The following NUCB1 variants were observed in gnomAD, a reference collection of about 807,000 sequenced individuals.
The protein encoded by NUCB1 is nucleobindin-1.
In NUCB1, 47 loss-of-function variants were observed where a neutral mutation model predicts 61.2. That is an observed-to-expected ratio of 0.77 (90% CI 0.61 to 0.98). NUCB1 has a LOEUF of 0.98. Among genes scored for constraint, NUCB1 ranks in the 50% least tolerant of loss-of-function variants. The pLI is 0.00. For synonymous variants in NUCB1, 234 were observed against 243.1 expected, an observed-to-expected ratio of 0.96 and a Z score of 0.35; for missense variants, 583 against 605.3, an observed-to-expected ratio of 0.96 and a Z score of 0.39.
chr19:48,922,578 C>T lies in NUCB1; in HGVS notation c.*154C>T, dbSNP rs1385504553. ...GGCATTTCACGCATTGCTGCCACCCCAGGTCCACCTGTCTCCACTTTCACA... is the reference window on the plus strand; with the variant it reads ...GGCATTTCACGCATTGCTGCCACCCTAGGTCCACCTGTCTCCACTTTCACA... On this transcript the variant is annotated 3_prime_UTR_variant, in exon 13 of 13. Transcript: ENST00000405315. The T allele has an allele frequency of 6.4e-6, 4 of 626,400 alleles. No individual in the cohort carries two copies. Among genetic ancestry groups the T allele is most frequent in the African/African-American group, 5.5e-5 (3 of 54,866 alleles). 38.8% of individuals were successfully genotyped at this position (626,400 alleles called of 1,614,324 possible). A position where few individuals can be genotyped will look rare whatever the true frequency, so the allele number is the denominator to read the frequency against.
intron 4 of NUCB1, among the ~76,000 whole-genome samples, chr19:48,908,169 C>T (rs1045031176): frequency 2.0e-5 from 3 of 152,084 alleles, no homozygotes; most frequent in African/African-American, 7.2e-5. Context: ...CTCACTCTGT[C>T]GCCCAGGCTG....
chr19:48,922,098 G>T (rs2037616721), intron 12 of NUCB1, among the ~76,000 whole-genome samples, 166 bp downstream of exon 12: 1 of 151,612 alleles, frequency 6.6e-6, no homozygotes, highest in East Asian at 1.9e-4. Flanking sequence ...GGGTCTGAGG[G>T]AGGAGGGGCT....
intron 2 of NUCB1, among the ~76,000 whole-genome samples, chr19:48,902,252 A>G (rs1221361960): frequency 6.6e-6 from 1 of 151,906 alleles, no homozygotes; most frequent in Non-Finnish European, 1.5e-5. Flanking sequence ...CTGGGACTAC[A>G]GGCGCACACC....
Position 48,921,207 on chromosome 19 carries a change from G to A in NUCB1, c.1056G>A (p.Glu352=). Reference sequence around the variant, plus strand: ...AGGAAGAGCTGAGGCGCTTTGAAGAGGAGCTGGCTGCCCGGGAGGCAGAGC... The same window carrying A: ...AGGAAGAGCTGAGGCGCTTTGAAGAAGAGCTGGCTGCCCGGGAGGCAGAGC... ...YTEEELRRFE[E]ELAAREAELN... Residue 352 remains glutamate, a synonymous_variant, in exon 11 of 13, where the codon GAG becomes GAA. Transcript: ENST00000405315. The A allele has an allele frequency of 1.9e-6, 3 of 1,613,388 alleles. No homozygotes were observed. Among genetic ancestry groups the A allele is most frequent in the African/African-American group, 1.3e-5 (1 of 75,072 alleles).
At chr19:48,905,086 C>T (rs1184853708) in intron 3 of NUCB1, among the ~76,000 whole-genome samples, 2 of 152,110 alleles carry the variant, frequency 1.3e-5, no homozygotes, top group East Asian at 1.9e-4. Context: ...CTGCACAGTT[C>T]GGATTTGGAT....
At chr19:48,922,293 C>T in intron 12 of NUCB1, 25 bp from the exon 13 acceptor site, 3 of 1,590,238 alleles carry the variant, frequency 1.9e-6, no homozygotes, top group Non-Finnish European at 2.6e-6. Context: ...TGTCCTGTGC[C>T]ACCATTCCCT....
chr19:48,911,292 C>T, intron 5 of NUCB1, 40 bp downstream of exon 5: 1 of 1,446,902 alleles, frequency 6.9e-7, no homozygotes, highest in South Asian at 1.1e-5. Flanking sequence ...TTGAGGGTAG[C>T]TTTGCGGAAG....
At chr19:48,919,490 T>C (rs1347163459) in intron 10 of NUCB1, among the ~76,000 whole-genome samples, 13 of 150,840 alleles carry the variant, frequency 8.6e-5, no homozygotes, top group African/African-American at 2.7e-4. Flanking sequence ...TTTATTTATT[T>C]ATTCTGAGAC....
intron 10 of NUCB1, 21 bp downstream of exon 10, chr19:48,919,307 C>G (rs758081065): frequency 1.3e-6 from 2 of 1,579,148 alleles, no homozygotes; most frequent in Non-Finnish European, 1.7e-6. Flanking sequence ...GGGGGATACT[C>G]GGGGTCCTGA....
chr19:48,906,403 C>CAA (rs550726351), intron 4 of NUCB1, among the ~76,000 whole-genome samples: 41,524 of 115,462 alleles, frequency 0.36, 8,452 homozygotes, highest in African/African-American at 0.62. Flanking sequence ...AACTCTGACT[C>CAA]AAAAAAAAAA....
At chr19:48,901,106 G>C (rs923732954) in intron 2 of NUCB1, 175 bp downstream of exon 2, 1 of 735,476 alleles carries the variant, frequency 1.4e-6, no homozygotes, top group Non-Finnish European at 2.4e-6. Flanking sequence ...AAAAACTGGA[G>C]GTCCCTGACT....
rs1568586622 is a variant in NUCB1, at chr19:48,913,547, C to T, written c.740C>T (p.Thr247Ile). 1.2e-6 allele frequency: 2 copies of T among 1,613,822 alleles called. No homozygotes were observed. The highest frequency in any genetic ancestry group is 1.3e-5 in the African/African-American group (1 of 74,912). Residue 247 changes from threonine (T) to isoleucine (I), a missense_variant, in exon 7 of 13, where the codon ACC becomes ATC. Transcript: ENST00000405315. ...GACCCCAACAGGTTTAACCCCAAGACCTTCTTCATACTGCATGGTAAGGTG... is the reference window on the plus strand; with the variant it reads ...GACCCCAACAGGTTTAACCCCAAGATCTTCTTCATACTGCATGGTAAGGTG... ...GLDPNRFNPK[T>I]FFILHDINSD...
rs1240265708 is a variant in NUCB1 at position 48,922,428 on chromosome 19, T to C, written c.*4T>C. 3 of 1,610,242 alleles carry C rather than the reference T, an allele frequency of 1.9e-6. No homozygotes were observed. The Admixed American group carries it at 5.0e-5, about 27-fold the overall frequency. Reference sequence around the variant, plus strand: ...TGAGGTGCCCCAGCATCTGTGATCCTCCGGGACCCCAGCCCTCAGGATTCC... The same window carrying C: ...TGAGGTGCCCCAGCATCTGTGATCCCCCGGGACCCCAGCCCTCAGGATTCC... On this transcript the variant is annotated 3_prime_UTR_variant, in exon 13 of 13. Transcript: ENST00000405315.
Position 48,913,011 on chromosome 19 carries a change from G to T in NUCB1, c.481G>T (p.Ala161Ser). ...ARDLELLIQTATRDLAQYDAA... is the reference protein window; with the variant it reads ...ARDLELLIQTSTRDLAQYDAA... ...GGAATGACCCTGTGCCTTTCCCCAG[G>T]CCACCCGGGACCTTGCCCAGTACGA... is the stretch of plus-strand genomic sequence containing the variant. Residue 161 changes from alanine to serine, a missense_variant and splice_region_variant, in exon 6 of 13, where the codon GCC becomes TCC. Transcript: ENST00000405315. The T allele has an allele frequency of 6.2e-7, 1 of 1,602,782 alleles. No homozygotes were observed.
chr19:48,919,336 C>T (rs1186936778), intron 10 of NUCB1, 50 bp downstream of exon 10: 12 of 1,401,194 alleles, frequency 8.6e-6, no homozygotes, highest in Non-Finnish European at 1.2e-5. Flanking sequence ...CTCTTCTAGC[C>T]ATGACCTTTC....
At chr19:48,920,958 A>G (rs900332269) in intron 10 of NUCB1, among the ~76,000 whole-genome samples, 196 bp from the exon 11 acceptor site, 1 of 152,206 alleles carries the variant, frequency 6.6e-6, no homozygotes, top group Non-Finnish European at 1.5e-5. Flanking sequence ...CTGGGATTAC[A>G]GGTGGGAGCC....
At chr19:48,900,553 G>T in intron 1 of NUCB1, 181 bp downstream of exon 1, 1 of 566,396 alleles carries the variant, frequency 1.8e-6, no homozygotes, top group Non-Finnish European at 3.1e-6. Flanking sequence ...CCGGATTCCT[G>T]AGTGTGAGAG....
rs139471881 is a variant in NUCB1 at position 48,905,822 on chromosome 19, C to T, written c.313C>T (p.Arg105Ter). 9.3e-6 allele frequency: 15 copies of T among 1,613,476 alleles called. No homozygotes were observed. The highest frequency in any genetic ancestry group is 8.0e-5 in the African/African-American group (6 of 74,784). Residue 105 changes from arginine to a stop codon, truncating the protein, a stop_gained, in exon 4 of 13, where the codon CGA (arginine) becomes TGA (stop). Coordinates refer to ENST00000405315, the MANE Select transcript of NUCB1 (RefSeq NM_006184.6). LOFTEE classifies it high-confidence loss of function. ...HVRTKLDELK[R>*]QEVSRLRMLL... is the part of the protein sequence containing the mutation. The stretch of plus-strand genomic sequence containing the variant: ...CCGCACCAAGCTGGATGAGCTCAAG[C>T]GACAGGAGGTGTCACGGCTGCGGAT...
At chr19:48,906,012 TGTGC>T in intron 4 of NUCB1, 127 bp downstream of exon 4, 1 of 900,966 alleles carries the variant, frequency 1.1e-6, no homozygotes, top group South Asian at 1.7e-5. Context: ...TGTGCTGAAA[TGTGC>T]GTGGGAGATT....
Sources: gnomAD v4.1 joint callset for allele counts (sites outside exome capture counted in the v4.1 genomes callset) on GRCh38, gnomAD v4.1.1 for gene constraint, MANE v1.5 for transcripts, NCBI Gene and HGNC (gene_info 2026-07-23, HGNC 2026-07-21) for gene names.